The following PTPN14 variants were observed in gnomAD, a reference collection of about 807,000 sequenced individuals.
PTPN14 encodes tyrosine-protein phosphatase non-receptor type 14.
A neutral mutation model predicts 126.8 loss-of-function variants in PTPN14; 53 were observed. The observed-to-expected ratio is 0.42, with a 90% CI of 0.34 to 0.53. The LOEUF (loss-of-function observed/expected upper bound fraction) is 0.53. PTPN14 is among the 20% of genes least tolerant of loss of function. The pLI is 0.08. For synonymous variants in PTPN14, 630 were observed against 599.3 expected, an observed-to-expected ratio of 1.05 and a Z score of -0.75; for missense variants, 1,257 against 1,552.9, an observed-to-expected ratio of 0.81 and a Z score of 3.20.
In PTPN14 at chr1:214,372,699, CA is replaced by C. The variant is rs1658247021; in HGVS notation, c.3036+11del. On this transcript the variant is annotated intron_variant, in intron 16 of 18. Transcript: ENST00000366956. ...TGGGGAAAAAGGATGTGGAGTAGGC[CA>C]TTCCCCTTACCTCCTCTGCAGTGAC... is the stretch of plus-strand genomic sequence containing the variant. The C allele has an allele frequency of 6.2e-7, 1 of 1,613,968 alleles. No individual in the cohort carries two copies. The highest frequency in any genetic ancestry group is 1.3e-5 in the African/African-American group (1 of 75,022).
chr1:214,539,366 C>G (rs1256883216), intron 1 of PTPN14, among the ~76,000 whole-genome samples: 7 of 152,200 alleles, frequency 4.6e-5, no homozygotes, highest in African/African-American at 1.7e-4. Context: ...TCAACACACA[C>G]AGATTTCAAA....
At chr1:214,437,685 C>A (rs1199044129) in intron 3 of PTPN14, among the ~76,000 whole-genome samples, 1 of 152,168 alleles carries the variant, frequency 6.6e-6, no homozygotes, top group Non-Finnish European at 1.5e-5. Flanking sequence ...AAGACGCCCA[C>A]AATTTTTCTA....
intron 3 of PTPN14, among the ~76,000 whole-genome samples, chr1:214,424,661 G>C (rs1249173227): frequency 6.6e-6 from 1 of 152,000 alleles, no homozygotes; most frequent in East Asian, 1.9e-4. Flanking sequence ...CCGAGTAGCT[G>C]GGACTAAAGG....
rs550631661 is a variant in PTPN14, at chr1:214,546,152, A to G, written c.-155+5031T>C. Among the ~76,000 whole-genome samples, 10 of 152,284 alleles carry G rather than the reference A, an allele frequency of 6.6e-5. No individual in the cohort carries two copies. The South Asian group carries it at 1.9e-3, about 28-fold the overall frequency. Reference sequence around the variant, plus strand: ...ACTTCTTAGCTCAGTGCTTCTCAAAATGCAGTTGGTCAGGACCAAGAGCAT... The same window carrying G: ...ACTTCTTAGCTCAGTGCTTCTCAAAGTGCAGTTGGTCAGGACCAAGAGCAT... On this transcript the variant is annotated intron_variant, in intron 1 of 18. Coordinates refer to ENST00000366956, the MANE Select transcript of PTPN14 (RefSeq NM_005401.5).
chr1:214,413,670 T>C (rs942470747), intron 4 of PTPN14, among the ~76,000 whole-genome samples: 2 of 152,192 alleles, frequency 1.3e-5, no homozygotes, highest in African/African-American at 4.8e-5. Context: ...AAAAAATGTT[T>C]TTAATTTTTA....
In PTPN14 at chr1:214,393,745, C is replaced by A; in HGVS notation, c.879G>T (p.Arg293=). ...AAAACTTGTGTCGTGTGGCAAACAA[C>A]CGAGAAATATACTTGGCATTTTCGA... The part of the protein sequence containing the change: ...DDIENAKYIS[R]LFATRHKFYK... The change falls in exon 10 of 19, where the codon CGG becomes CGT. Residue 293 remains arginine (R), a synonymous_variant. Coordinates refer to ENST00000366956, the MANE Select transcript of PTPN14 (RefSeq NM_005401.5). 1 of 1,603,368 alleles carries A rather than the reference C, an allele frequency of 6.2e-7. No homozygotes were observed. Among genetic ancestry groups the A allele is most frequent in the Non-Finnish European group, 8.5e-7 (1 of 1,170,350 alleles).
At chr1:214,388,501 G>C (rs781470396) in intron 11 of PTPN14, among the ~76,000 whole-genome samples, 1 of 152,028 alleles carries the variant, frequency 6.6e-6, no homozygotes, top group African/African-American at 2.4e-5. Context: ...CCGCCTCCCG[G>C]GTTCAAGAGA....
At chr1:214,454,650 G>C (rs1660344493) in intron 2 of PTPN14, among the ~76,000 whole-genome samples, 1 of 152,118 alleles carries the variant, frequency 6.6e-6, no homozygotes, top group Non-Finnish European at 1.5e-5. Context: ...TGATAGTAAG[G>C]CAATAATCTT....
At chr1:214,376,949 C>G (rs947766287) in intron 14 of PTPN14, among the ~76,000 whole-genome samples, 1 of 152,198 alleles carries the variant, frequency 6.6e-6, no homozygotes, top group Non-Finnish European at 1.5e-5. Context: ...TGGATACATA[C>G]TGGCAGAAAT....
At chr1:214,493,105 T>C (rs1661286677) in intron 1 of PTPN14, among the ~76,000 whole-genome samples, 1 of 152,070 alleles carries the variant, frequency 6.6e-6, no homozygotes, top group South Asian at 2.1e-4. Flanking sequence ...GCAAGACATG[T>C]TCGGAGGTCA....
chr1:214,535,096 G>A (rs1014574402), intron 1 of PTPN14, among the ~76,000 whole-genome samples: 7 of 152,148 alleles, frequency 4.6e-5, no homozygotes, highest in African/African-American at 1.7e-4. Flanking sequence ...AAAAGATATC[G>A]ATATAAGGCA....
intron 1 of PTPN14, among the ~76,000 whole-genome samples, chr1:214,518,505 T>G (rs968701576): frequency 6.6e-6 from 1 of 152,238 alleles, no homozygotes; most frequent in African/African-American, 2.4e-5. Context: ...TTATCCACTG[T>G]GGTAGATGAT....
At chr1:214,524,641 G>T (rs981584121) in intron 1 of PTPN14, among the ~76,000 whole-genome samples, 2 of 152,018 alleles carry the variant, frequency 1.3e-5, no homozygotes, top group Non-Finnish European at 2.9e-5. Context: ...AACAAAGAGA[G>T]ACCCTATCTC....
At chr1:214,420,195 T>C (rs1659513906) in intron 3 of PTPN14, among the ~76,000 whole-genome samples, 1 of 152,200 alleles carries the variant, frequency 6.6e-6, no homozygotes, top group Non-Finnish European at 1.5e-5. Context: ...AAGCTACAAC[T>C]AAAACTCTAG....
At chr1:214,409,580 C>G (rs1438342057) in intron 5 of PTPN14, among the ~76,000 whole-genome samples, 2 of 151,956 alleles carry the variant, frequency 1.3e-5, no homozygotes, top group African/African-American at 4.8e-5. Context: ...AGATATATAC[C>G]CAGAAGTGAG....
chr1:214,461,097 G>A (rs1660500661), intron 2 of PTPN14, among the ~76,000 whole-genome samples: 1 of 151,870 alleles, frequency 6.6e-6, no homozygotes, highest in Non-Finnish European at 1.5e-5. Context: ...CAATTTTACT[G>A]TGAATCTAAA....
chr1:214,427,258 C>T (rs1008207491), intron 3 of PTPN14, among the ~76,000 whole-genome samples: 59 of 108,110 alleles, frequency 5.5e-4, no homozygotes, highest in African/African-American at 2.2e-3. Flanking sequence ...AGCTTGGCGA[C>T]AGAGTGAGTC....
intron 1 of PTPN14, among the ~76,000 whole-genome samples, chr1:214,497,314 A>G (rs187734616): frequency 3.9e-5 from 6 of 152,340 alleles, no homozygotes; most frequent in African/African-American, 1.4e-4. Flanking sequence ...CACCATCAGG[A>G]AAATGTAAAT....
At chr1:214,449,960 A>C (rs1363700832) in intron 3 of PTPN14, among the ~76,000 whole-genome samples, 1 of 151,904 alleles carries the variant, frequency 6.6e-6, no homozygotes, top group Non-Finnish European at 1.5e-5. Flanking sequence ...GCGAGACTTC[A>C]TCTCTACAAA....
Sources: allele counts gnomAD v4.1 joint callset (sites outside exome capture counted in the v4.1 genomes callset), GRCh38; gene constraint gnomAD v4.1.1; transcripts MANE v1.5; gene names NCBI Gene and HGNC (gene_info 2026-07-23, HGNC 2026-07-21).